The following ITPR1 variants were observed in gnomAD, a reference collection of about 807,000 sequenced individuals.
ITPR1 encodes the protein inositol 1,4,5-trisphosphate-gated calcium channel ITPR1.
ITPR1 carries 96 observed loss-of-function variants against 318.4 expected under a neutral mutation model. The observed-to-expected ratio is 0.30, with a 90% CI of 0.26 to 0.36. The LOEUF is 0.36. Among genes scored for constraint, ITPR1 ranks in the 10% least tolerant of loss-of-function variants. ITPR1 has a pLI of 1.00. For missense variants in ITPR1, 2,440 were observed against 3,460.2 expected (o/e 0.71, Z 7.40); for synonymous variants, 1,312 against 1,289.9 (o/e 1.02, Z -0.37).
chr3:4,739,393 C>G (rs1322762272), intron 44 of ITPR1, among the ~76,000 whole-genome samples: 3 of 152,128 alleles, frequency 2.0e-5, no homozygotes, highest in Non-Finnish European at 4.4e-5. Context: ...ATCCATGTTT[C>G]CTGATGACAG....
At chr3:4,648,343 A>G (rs1486160954) in intron 10 of ITPR1, among the ~76,000 whole-genome samples, 2 of 152,174 alleles carry the variant, frequency 1.3e-5, no homozygotes, top group African/African-American at 4.8e-5. Context: ...CAATCCTACT[A>G]GATTATAAAC....
Position 4,543,736 on chromosome 3 carries a change from C to G in ITPR1, c.163+22642C>G, listed in dbSNP as rs1310711605. The stretch of plus-strand genomic sequence containing the variant: ...GGGATTACAGGTGTGAGCCACCATG[C>G]CTGGCCGTATTTAAGTCTGTTAGGA... On this transcript the variant is annotated intron_variant, in intron 4 of 61. Transcript: ENST00000649015. Among the ~76,000 whole-genome samples, 8 of 152,362 alleles carry G rather than the reference C, an allele frequency of 5.3e-5. No homozygotes were observed. In the East Asian group the frequency reaches 5.8e-4, roughly 11 times the overall value.
chr3:4,724,342 T>G (rs2042361881), intron 40 of ITPR1: 1 of 152,216 alleles, frequency 6.6e-6, no homozygotes, highest in Non-Finnish European at 1.5e-5. Flanking sequence ...GAGGCTTTCT[T>G]CCCTCTTGGG....
chr3:4,585,121 G>T (rs950672807), intron 4 of ITPR1, among the ~76,000 whole-genome samples: 1 of 152,140 alleles, frequency 6.6e-6, no homozygotes, highest in East Asian at 1.9e-4. Flanking sequence ...TTGATACTCA[G>T]TTCAGTCCTA....
intron 33 of ITPR1, among the ~76,000 whole-genome samples, chr3:4,694,298 A>T (rs1392545371): frequency 7.3e-6 from 1 of 136,468 alleles, no homozygotes. Flanking sequence ...GTATATATTT[A>T]TGATATATAA....
intron 17 of ITPR1, among the ~76,000 whole-genome samples, chr3:4,666,077 T>C (rs1410398897): frequency 2.0e-5 from 3 of 152,072 alleles, no homozygotes; most frequent in Non-Finnish European, 4.4e-5. Context: ...AAAATGTCAG[T>C]AGTGCTGAGG....
chr3:4,501,779 A>G (rs11130036), intron 2 of ITPR1, among the ~76,000 whole-genome samples: 31,192 of 152,192 alleles, frequency 0.2, 3,967 homozygotes, highest in Admixed American at 0.31. Context: ...CGCTGTTCAC[A>G]TGAAGGCAGA....
rs145264744 is a variant in ITPR1, at chr3:4,644,795, A to G, written c.624+561A>G. 9.5e-4 allele frequency among the ~76,000 whole-genome samples: 144 copies of G among 152,276 alleles called. 3 individuals are homozygous for G. In the East Asian group the frequency reaches 0.021, roughly 22 times the overall value. ...GGGTTCACATCCTGTCTGCCTTTCCAAGCTCTGTGACGGCAGGTTGGTTAC... is the reference window on the plus strand; with the variant it reads ...GGGTTCACATCCTGTCTGCCTTTCCGAGCTCTGTGACGGCAGGTTGGTTAC... On this transcript the variant is annotated intron_variant, in intron 8 of 61. Transcript: ENST00000649015.
intron 60 of ITPR1, among the ~76,000 whole-genome samples, chr3:4,820,704 C>G (rs1012813105): frequency 6.6e-6 from 1 of 152,214 alleles, no homozygotes; most frequent in Non-Finnish European, 1.5e-5. Context: ...TGTTGCAGAA[C>G]CAGATGTTCT....
chr3:4,737,200 C>A lies in ITPR1; in HGVS notation c.5544+1846C>A, dbSNP rs562834487. Among the ~76,000 whole-genome samples, 5 of 152,156 alleles carry A rather than the reference C, an allele frequency of 3.3e-5. No homozygotes were observed. In the East Asian group the frequency reaches 7.7e-4, roughly 23 times the overall value. On this transcript the variant is annotated intron_variant, in intron 44 of 61. Coordinates refer to ENST00000649015, the MANE Select transcript of ITPR1 (RefSeq NM_001378452.1). Reference sequence around the variant, plus strand: ...AAAGCTTTACCAGTTTGAGAAATCCCAGAATCTCAGTCCTCAAGAAATTGA... The same window carrying A: ...AAAGCTTTACCAGTTTGAGAAATCCAAGAATCTCAGTCCTCAAGAAATTGA...
rs143949271 is a variant in ITPR1, at chr3:4,715,836, G to A, written c.5104-1531G>A. Among the ~76,000 whole-genome samples, 1,207 of 152,274 alleles carry A rather than the reference G, an allele frequency of 7.9e-3. 12 individuals carry two copies. The highest frequency in any genetic ancestry group is 0.027 in the African/African-American group (1,118 of 41,552). ...CCACTGCACTCCAGCCTGGGTGACAGAGCAAGACTCCATCTCAAAACAACA... is the reference window on the plus strand; with the variant it reads ...CCACTGCACTCCAGCCTGGGTGACAAAGCAAGACTCCATCTCAAAACAACA... On this transcript the variant is annotated intron_variant, in intron 39 of 61. Coordinates refer to ENST00000649015, the MANE Select transcript of ITPR1 (RefSeq NM_001378452.1).
intron 10 of ITPR1, 26 bp downstream of exon 10, chr3:4,645,754 C>T (rs778326290): frequency 6.2e-7 from 1 of 1,605,444 alleles, no homozygotes; most frequent in South Asian, 1.1e-5. Context: ...AGAAAGGGCT[C>T]CTGGGTTTAG....
At chr3:4,644,546 G>A (rs900370069) in intron 8 of ITPR1, among the ~76,000 whole-genome samples, 5 of 152,142 alleles carry the variant, frequency 3.3e-5, no homozygotes, top group Admixed American at 6.5e-5. Context: ...GGCCATAGGA[G>A]CACCTTTTTC....
intron 55 of ITPR1, 65 bp from the exon 56 acceptor site, chr3:4,811,200 T>C: frequency 8.3e-7 from 1 of 1,201,024 alleles, no homozygotes; most frequent in Non-Finnish European, 1.1e-6. Flanking sequence ...CAAGTTTGCA[T>C]TATGGGATAG....
At chr3:4,650,199 A>AT (rs2093561435) in intron 10 of ITPR1, among the ~76,000 whole-genome samples, 1 of 152,220 alleles carries the variant, frequency 6.6e-6, no homozygotes, top group Admixed American at 6.5e-5. Context: ...GAACATTCAT[A>AT]TGCAACTTTT....
chr3:4,792,943 G>A (rs2047664380), intron 52 of ITPR1, among the ~76,000 whole-genome samples: 1 of 152,118 alleles, frequency 6.6e-6, no homozygotes, highest in African/African-American at 2.4e-5. Context: ...GGAGAGTGCG[G>A]GGTGTGTTCG....
chr3:4,713,465 A>G (rs2041531466), intron 39 of ITPR1, among the ~76,000 whole-genome samples: 1 of 152,208 alleles, frequency 6.6e-6, no homozygotes, highest in South Asian at 2.1e-4. Context: ...CCTGGAACGT[A>G]GAAGCATTGT....
At chr3:4,745,212 G>A (rs2044014908) in intron 44 of ITPR1, among the ~76,000 whole-genome samples, 1 of 130,906 alleles carries the variant, frequency 7.6e-6, no homozygotes, top group Non-Finnish European at 1.6e-5. Flanking sequence ...TCTTCCTTTT[G>A]GTGGGAGCAG....
chr3:4,818,630 G>T (rs539308861), intron 60 of ITPR1, among the ~76,000 whole-genome samples: 3 of 152,202 alleles, frequency 2.0e-5, no homozygotes, highest in African/African-American at 7.2e-5. Flanking sequence ...TCTCTAAGAG[G>T]TGTCTTAGAG....
Sources: gnomAD v4.1 joint callset for allele counts (sites outside exome capture counted in the v4.1 genomes callset) on GRCh38, gnomAD v4.1.1 for gene constraint, MANE v1.5 for transcripts, NCBI Gene and HGNC (gene_info 2026-07-23, HGNC 2026-07-21) for gene names.